Variants in DPT observed in about 807,000 individuals in gnomAD.
DPT encodes tyrosine-rich acidic matrix protein.
A neutral mutation model predicts 31.2 loss-of-function variants in DPT; 21 were observed. The observed-to-expected ratio is 0.67, with a 90% CI of 0.48 to 0.97. DPT has a LOEUF of 0.97. DPT is among the 50% of genes least tolerant of loss of function. The pLI is 0.00. For synonymous variants in DPT, 91 were observed against 86.9 expected, an observed-to-expected ratio of 1.05 and a Z score of -0.26; for missense variants, 262 against 258.8, an observed-to-expected ratio of 1.01 and a Z score of -0.08.
Position 168,701,309 on chromosome 1 carries a change from A to G in DPT, c.432-185T>C, listed in dbSNP as rs558641016. 1.1e-4 allele frequency among the ~76,000 whole-genome samples: 17 copies of G among 152,280 alleles called. No homozygotes were observed. In the South Asian group the frequency reaches 1.7e-3, roughly 15 times the overall value. On this transcript the variant is annotated intron_variant, in intron 2 of 3. Coordinates refer to ENST00000367817, the MANE Select transcript of DPT (RefSeq NM_001937.5). ...ACAGACAGCTCTCCTCCCACTTCTCATCTTCCTTTTCTAGGCCATTAAACT... is the reference window on the plus strand; with the variant it reads ...ACAGACAGCTCTCCTCCCACTTCTCGTCTTCCTTTTCTAGGCCATTAAACT...
intron 3 of DPT, among the ~76,000 whole-genome samples, chr1:168,697,341 G>A (rs771810592): frequency 3.3e-5 from 5 of 152,180 alleles, no homozygotes; most frequent in Non-Finnish European, 7.3e-5. Flanking sequence ...AACATATGCT[G>A]AGTGCTCACC....
chr1:168,722,984 C>A (rs978277770), intron 1 of DPT, among the ~76,000 whole-genome samples: 1 of 152,146 alleles, frequency 6.6e-6, no homozygotes, highest in Non-Finnish European at 1.5e-5. Context: ...GGAGCTTTTG[C>A]CATCCTTACA....
At position 168,696,356 on chromosome 1, in the gene DPT, T is replaced by G. The variant is rs1408529930; in HGVS notation, c.*193A>C. 1.7e-6 allele frequency: 1 copy of G among 588,532 alleles called. No individual in the cohort carries two copies. The highest frequency in any genetic ancestry group is 1.9e-5 in the African/African-American group (1 of 53,574). 36.5% of individuals were successfully genotyped at this position (588,532 alleles called of 1,614,324 possible). ...ACATGTGAAAAGTGAGAAACATGGTTTAATTGTGGATTTTATTAGAAGTGT... is the reference window on the plus strand; with the variant it reads ...ACATGTGAAAAGTGAGAAACATGGTGTAATTGTGGATTTTATTAGAAGTGT... On this transcript the variant is annotated 3_prime_UTR_variant, in exon 4 of 4. Coordinates refer to ENST00000367817, the MANE Select transcript of DPT (RefSeq NM_001937.5).
chr1:168,711,466 C>T (rs1343991285), intron 2 of DPT, among the ~76,000 whole-genome samples: 1 of 152,184 alleles, frequency 6.6e-6, no homozygotes, highest in African/African-American at 2.4e-5. Context: ...ACAGCAGGCT[C>T]TCCCACTCAT....
chr1:168,699,900 C>T (rs999758776), intron 3 of DPT, among the ~76,000 whole-genome samples: 2 of 152,092 alleles, frequency 1.3e-5, no homozygotes, highest in Admixed American at 6.5e-5. Context: ...TTGTTTTCTT[C>T]TTACCGTTTT....
At chr1:168,713,251 T>C (rs543705018) in intron 2 of DPT, among the ~76,000 whole-genome samples, 1 of 152,324 alleles carries the variant, frequency 6.6e-6, no homozygotes, top group East Asian at 1.9e-4. Flanking sequence ...TTCTGCTCCA[T>C]CATACAGTGA....
Position 168,722,770 on chromosome 1 carries a change from G to T in DPT, c.305+6100C>A, listed in dbSNP as rs113622847. 1.9e-3 allele frequency among the ~76,000 whole-genome samples: 288 copies of T among 151,986 alleles called. 2 individuals are homozygous for T. The highest frequency in any genetic ancestry group is 6.3e-3 in the African/African-American group (260 of 41,428). On this transcript the variant is annotated intron_variant, in intron 1 of 3. Coordinates refer to ENST00000367817, the MANE Select transcript of DPT (RefSeq NM_001937.5). ...ACGACTTGAGTAAAGGTAGTAGTGG[G>T]GTCAGTGGGGCTGCATTTTGAGAAT...
chr1:168,720,780 G>T (rs1030747772), intron 1 of DPT, among the ~76,000 whole-genome samples: 2 of 152,194 alleles, frequency 1.3e-5, no homozygotes, highest in Non-Finnish European at 2.9e-5. Context: ...GGTGGATGAG[G>T]TCTTAAATAG....
At chr1:168,719,000 G>C (rs1395587258) in intron 1 of DPT, among the ~76,000 whole-genome samples, 2 of 152,160 alleles carry the variant, frequency 1.3e-5, no homozygotes, top group African/African-American at 4.8e-5. Context: ...TGGAGCACAG[G>C]TACTTTAGTA....
chr1:168,720,037 C>G (rs1650066815), intron 1 of DPT, among the ~76,000 whole-genome samples: 2 of 152,192 alleles, frequency 1.3e-5, no homozygotes, highest in South Asian at 4.1e-4. Flanking sequence ...CCTGTATCTG[C>G]AATAGTAAAA....
chr1:168,721,662 C>G (rs1319060423), intron 1 of DPT, among the ~76,000 whole-genome samples: 2 of 152,206 alleles, frequency 1.3e-5, no homozygotes, highest in Non-Finnish European at 1.5e-5. Flanking sequence ...CCAAATCATA[C>G]TAACTTTCCT....
At chr1:168,706,183 A>G (rs745699674) in intron 2 of DPT, among the ~76,000 whole-genome samples, 23 of 152,218 alleles carry the variant, frequency 1.5e-4, no homozygotes, top group Non-Finnish European at 2.9e-4. Context: ...GGTGCATGGA[A>G]TCAAATATGC....
At position 168,696,042 on chromosome 1, in the gene DPT, T is replaced by C. The variant is rs919316912; in HGVS notation, c.*507A>G. On this transcript the variant is annotated 3_prime_UTR_variant, in exon 4 of 4. Transcript: ENST00000367817. ...CTGCACTTGGATTGCTAAGCATGCA[T>C]GGCTCATGTGGAGCAGGGGAGTGGG... The C allele has an allele frequency of 1.8e-5, 7 of 396,406 alleles. No individual in the cohort carries two copies. Among genetic ancestry groups the C allele is most frequent in the African/African-American group, 4.1e-5 (2 of 48,576 alleles). The allele number at this position is 396,406 out of a possible 1,614,324, so 24.6% of individuals were successfully genotyped here.
chr1:168,727,730 G>T (rs922244860), intron 1 of DPT, among the ~76,000 whole-genome samples: 1 of 151,694 alleles, frequency 6.6e-6, no homozygotes, highest in African/African-American at 2.4e-5. Flanking sequence ...TAGAGATAGG[G>T]TCTGGCTGTG....
At chr1:168,702,860 C>T (rs1649633705) in intron 2 of DPT, among the ~76,000 whole-genome samples, 1 of 152,142 alleles carries the variant, frequency 6.6e-6, no homozygotes, top group Admixed American at 6.5e-5. Context: ...GATCCACCCG[C>T]CTCAGCCTCC....
At chr1:168,724,520 A>G (rs149676624) in intron 1 of DPT, among the ~76,000 whole-genome samples, 5 of 152,318 alleles carry the variant, frequency 3.3e-5, no homozygotes, top group Admixed American at 1.3e-4. Context: ...CATGAAGCTT[A>G]TATTTTAGTG....
At chr1:168,708,659 C>T (rs1649777009) in intron 2 of DPT, among the ~76,000 whole-genome samples, 1 of 152,148 alleles carries the variant, frequency 6.6e-6, no homozygotes, top group Non-Finnish European at 1.5e-5. Flanking sequence ...GGTTGGTGTG[C>T]TGCACCTGTT....
chr1:168,705,751 C>T (rs1483989103), intron 2 of DPT, among the ~76,000 whole-genome samples: 1 of 152,202 alleles, frequency 6.6e-6, no homozygotes, highest in Non-Finnish European at 1.5e-5. Context: ...TACAGTTTGG[C>T]TGTGTCTCAC....
intron 1 of DPT, among the ~76,000 whole-genome samples, chr1:168,724,746 A>G (rs1257457304): frequency 6.6e-6 from 1 of 152,128 alleles, no homozygotes; most frequent in African/African-American, 2.4e-5. Flanking sequence ...TCTTGCTTAG[A>G]TTAGGGAAAT....
Sources: allele counts gnomAD v4.1 joint callset (sites outside exome capture counted in the v4.1 genomes callset), GRCh38; gene constraint gnomAD v4.1.1; transcripts MANE v1.5; gene names NCBI Gene and HGNC (gene_info 2026-07-23, HGNC 2026-07-21).